The following ATP11C variants were observed in gnomAD, a reference collection of about 807,000 sequenced individuals.
ATP11C encodes the protein ATPase phospholipid transporting 11C (ATP11C blood group), also known as phospholipid-transporting ATPase IG.
ATP11C carries 36 observed loss-of-function variants against 97.4 expected under a neutral mutation model. That is an observed-to-expected ratio of 0.37 (90% confidence interval 0.28 to 0.49). The LOEUF (loss-of-function observed/expected upper bound fraction) is 0.49, where lower values mean the gene tolerates loss of function less well. ATP11C is among the 20% of genes least tolerant of loss of function. The pLI is 0.98. For missense variants in ATP11C, 730 were observed against 824.6 expected, an observed-to-expected ratio of 0.89 and a Z score of 1.40; for synonymous variants, 275 against 290.9, an observed-to-expected ratio of 0.95 and a Z score of 0.56.
At position 139,866,767 on chromosome X, in the gene ATP11C, C is replaced by G. The variant is rs12008536; in HGVS notation, c.28-39944G>C. On this transcript the variant is annotated intron_variant, in intron 1 of 29. Coordinates refer to ENST00000682941, the MANE Select transcript of ATP11C (RefSeq NM_001353812.2). ...CCGGAAGAATCTGAAGTCTAACAGT[C>G]TGGCTCCAAACACTACACTCTTAAC... is the stretch of plus-strand genomic sequence containing the variant. 3.9e-3 allele frequency among the ~76,000 whole-genome samples: 429 copies of G among 110,756 alleles called. 3 individuals are homozygous for G. Among genetic ancestry groups the G allele is most frequent in the African/African-American group, 0.013 (409 of 30,387 alleles).
At chrX:139,797,026 T>A (rs1012827062) in intron 11 of ATP11C, 150 bp downstream of exon 11, 15 of 362,210 alleles carry the variant, frequency 4.1e-5, no homozygotes, top group Non-Finnish European at 6.3e-5. Context: ...TTACAATAAA[T>A]CTTCTTAAAT....
chrX:139,867,985 T>A (rs915753130), intron 1 of ATP11C, among the ~76,000 whole-genome samples: 1 of 111,273 alleles, frequency 9.0e-6, no homozygotes, highest in Non-Finnish European at 1.9e-5. Flanking sequence ...TAGAGGTGTA[T>A]TGCTTAAATG....
At position 139,816,821 on chromosome X, in the gene ATP11C, C is replaced by T. The variant is rs377555662; in HGVS notation, c.318+42G>A. On this transcript the variant is annotated intron_variant, in intron 4 of 29. Coordinates refer to ENST00000682941, the MANE Select transcript of ATP11C (RefSeq NM_001353812.2). Reference sequence around the variant, plus strand: ...CCTTTGACAATGAAATTCCAACAAGCCTGGACTGAAATGCAGGTGCAAGTG... The same window carrying T: ...CCTTTGACAATGAAATTCCAACAAGTCTGGACTGAAATGCAGGTGCAAGTG... 65 of 946,780 alleles carry T rather than the reference C, an allele frequency of 6.9e-5. No homozygotes were observed. In the African/African-American group the frequency reaches 1.1e-3, roughly 15 times the overall value. 78.0% of individuals were successfully genotyped at this position (946,780 alleles called of 1,213,427 possible).
At chrX:139,851,124 A>G (rs2083983219) in intron 1 of ATP11C, among the ~76,000 whole-genome samples, 1 of 110,914 alleles carries the variant, frequency 9.0e-6, no homozygotes, top group Non-Finnish European at 1.9e-5. Context: ...CTGCCCTCCC[A>G]TTACAGGCCC....
intron 3 of ATP11C, among the ~76,000 whole-genome samples, chrX:139,818,007 A>G (rs755894186): frequency 3.6e-5 from 4 of 111,353 alleles, no homozygotes; most frequent in African/African-American, 9.8e-5. Flanking sequence ...TGTAGATACA[A>G]TGTATACTTC....
intron 22 of ATP11C, among the ~76,000 whole-genome samples, chrX:139,758,232 A>G (rs547034886): frequency 2.0e-4 from 22 of 112,438 alleles, no homozygotes; most frequent in Middle Eastern, 4.6e-3. Context: ...GTGTACATTT[A>G]AAGTCAATTA....
intron 1 of ATP11C, among the ~76,000 whole-genome samples, chrX:139,883,434 T>C (rs893574543): frequency 9.0e-6 from 1 of 111,299 alleles, no homozygotes; most frequent in Admixed American, 9.7e-5. Flanking sequence ...AAGACAGGCA[T>C]CTAATCACAT....
chrX:139,769,886 T>C (rs754825336), intron 19 of ATP11C, among the ~76,000 whole-genome samples: 5 of 112,011 alleles, frequency 4.5e-5, no homozygotes, highest in African/African-American at 9.7e-5. Flanking sequence ...CCAGTGACAA[T>C]GGAGCTGCTA....
At chrX:139,837,592 T>C (rs2083767573) in intron 1 of ATP11C, among the ~76,000 whole-genome samples, 1 of 112,763 alleles carries the variant, frequency 8.9e-6, no homozygotes, top group Non-Finnish European at 1.9e-5. Flanking sequence ...TAAAATGTTC[T>C]ACATGCTGTC....
intron 1 of ATP11C, among the ~76,000 whole-genome samples, chrX:139,907,755 AAAG>A (rs1233986367): frequency 5.5e-5 from 6 of 109,701 alleles, no homozygotes; most frequent in Non-Finnish European, 1.1e-4. Context: ...CTCAAAAAAA[AAAG>A]AAAAGAAAAA....
At chrX:139,804,172 C>G (rs925112608) in intron 6 of ATP11C, among the ~76,000 whole-genome samples, 1 of 110,749 alleles carries the variant, frequency 9.0e-6, no homozygotes, top group Non-Finnish European at 1.9e-5. Flanking sequence ...ATGATTACTC[C>G]CATTTTAGAG....
At chrX:139,757,751 G>T in intron 23 of ATP11C, 57 bp downstream of exon 23, 1 of 828,943 alleles carries the variant, frequency 1.2e-6, no homozygotes, top group Non-Finnish European at 1.7e-6. Flanking sequence ...ATATATAAGG[G>T]TAATTTATTA....
At chrX:139,852,507 G>A (rs950680400) in intron 1 of ATP11C, among the ~76,000 whole-genome samples, 5 of 78,320 alleles carry the variant, frequency 6.4e-5, no homozygotes, top group Admixed American at 3.7e-4. Flanking sequence ...TAGCTTAAAG[G>A]ATCCTCACAT....
At chrX:139,860,177 AAT>A (rs2084164192) in intron 1 of ATP11C, among the ~76,000 whole-genome samples, 1 of 111,012 alleles carries the variant, frequency 9.0e-6, no homozygotes, top group Non-Finnish European at 1.9e-5. Context: ...TTTAAAACAG[AAT>A]AGAGTTCATT....
intron 1 of ATP11C, among the ~76,000 whole-genome samples, chrX:139,836,900 A>G (rs1197488407): frequency 8.9e-6 from 1 of 111,877 alleles, no homozygotes; most frequent in Non-Finnish European, 1.9e-5. Context: ...CAAGTAAATC[A>G]GGTTAGAATT....
chrX:139,735,597 G>A (rs2081426627), intron 28 of ATP11C, among the ~76,000 whole-genome samples: 1 of 111,430 alleles, frequency 9.0e-6, no homozygotes, highest in Admixed American at 9.5e-5. Context: ...AAATATTTGG[G>A]GGAAAATAAC....
intron 1 of ATP11C, among the ~76,000 whole-genome samples, chrX:139,876,001 C>T (rs1413057520): frequency 8.9e-6 from 1 of 111,891 alleles, no homozygotes; most frequent in Non-Finnish European, 1.9e-5. Context: ...CAGCCTTATA[C>T]ATTTTATCTG....
intron 10 of ATP11C, 89 bp downstream of exon 10, chrX:139,798,184 T>C: frequency 2.6e-6 from 2 of 780,548 alleles, no homozygotes; most frequent in Non-Finnish European, 3.8e-6. Context: ...ATAATTGATG[T>C]TGTTTTTTGT....
intron 1 of ATP11C, among the ~76,000 whole-genome samples, chrX:139,928,254 T>C (rs189910452): frequency 1.8e-5 from 2 of 111,969 alleles, no homozygotes; most frequent in Non-Finnish European, 3.8e-5. Flanking sequence ...TAGACCTCTA[T>C]GAACAGCCAT....
Sources: gnomAD v4.1 joint callset for allele counts (sites outside exome capture counted in the v4.1 genomes callset) on GRCh38, gnomAD v4.1.1 for gene constraint, MANE v1.5 for transcripts, NCBI Gene and HGNC (gene_info 2026-07-23, HGNC 2026-07-21) for gene names.